Variants in PCDHGA3 observed in about 807,000 individuals in gnomAD.
PCDHGA3 encodes protocadherin gamma subfamily A, 3, also known as protocadherin gamma-A3.
Under a neutral mutation model 58.5 loss-of-function variants are expected in PCDHGA3, and 40 were observed. The observed-to-expected ratio is 0.68, with a 90% CI of 0.53 to 0.89. The LOEUF (loss-of-function observed/expected upper bound fraction) is 0.89. PCDHGA3 is among the 40% of genes least tolerant of loss of function. PCDHGA3 has a pLI of 0.00. For missense variants in PCDHGA3, 1,223 were observed against 1,195.9 expected, an observed-to-expected ratio of 1.02 and a Z score of -0.33; for synonymous variants, 530 against 525.7, an observed-to-expected ratio of 1.01 and a Z score of -0.11.
In PCDHGA3 at chr5:141,432,927, G is replaced by T. The variant is rs774982939; in HGVS notation, c.2425-61880G>T. ...AGGCTGCGGCGCTGGCACAAGTCAC[G>T]CCTGCTGCAGGCTTCAGGAGGCGGC... is the stretch of plus-strand genomic sequence containing the variant. On this transcript the variant is annotated intron_variant, in intron 1 of 3. Coordinates refer to ENST00000253812, the MANE Select transcript of PCDHGA3 (RefSeq NM_018916.4). This position sits in a 1 kb window ranked among gnomAD's most constrained non-coding sequence, Gnocchi z 6.0. 1.9e-6 allele frequency: 3 copies of T among 1,614,162 alleles called. No homozygotes were observed. In the Admixed American group the frequency reaches 5.0e-5, roughly 27 times the overall value.
intron 2 of PCDHGA3, among the ~76,000 whole-genome samples, chr5:141,500,904 C>T (rs2099803610): frequency 6.6e-6 from 1 of 151,662 alleles, no homozygotes; most frequent in Non-Finnish European, 1.5e-5. Context: ...CAGTCTCGCT[C>T]TGTCTCCAGG....
At chr5:141,423,193 T>A in intron 1 of PCDHGA3, 2 of 1,613,564 alleles carry the variant, frequency 1.2e-6, no homozygotes, top group Non-Finnish European at 1.7e-6. Context: ...GCCCCCTCTC[T>A]CGGCCACCGT....
At chr5:141,376,477 T>C (rs550916604) in intron 1 of PCDHGA3, 1 of 1,614,200 alleles carries the variant, frequency 6.2e-7, no homozygotes, top group African/African-American at 1.3e-5. Context: ...AGGATTTACT[T>C]GAAACGAAAG....
chr5:141,408,973 T>C (rs754120948), intron 1 of PCDHGA3: 8 of 1,613,718 alleles, frequency 5.0e-6, no homozygotes, highest in South Asian at 1.1e-5. Context: ...ATCTGCCCCC[T>C]GGGTCCCCTG....
chr5:141,362,663 G>A, intron 1 of PCDHGA3: 1 of 1,339,920 alleles, frequency 7.5e-7, no homozygotes. Flanking sequence ...TTTGGCCAAT[G>A]TTGTGCCTTA....
At position 141,409,826 on chromosome 5, in the gene PCDHGA3, C is replaced by T. The variant is rs565116840; in HGVS notation, c.2424+63369C>T. 14 of 1,611,108 alleles carry T rather than the reference C, an allele frequency of 8.7e-6. No homozygotes were observed. The highest frequency in any genetic ancestry group is 1.3e-5 in the African/African-American group (1 of 75,000). On this transcript the variant is annotated intron_variant, in intron 1 of 3. Coordinates refer to ENST00000253812, the MANE Select transcript of PCDHGA3 (RefSeq NM_018916.4). ...GGCCCGCGACCACGGCTCGCCCACG[C>T]TCAGCGCCAACGTGAGCCTGCGCGT...
chr5:141,365,896 T>C, intron 1 of PCDHGA3: 3 of 1,614,212 alleles, frequency 1.9e-6, no homozygotes, highest in Non-Finnish European at 2.5e-6. Flanking sequence ...CCTTCGACTA[T>C]GAGCAGTTGA....
rs1391302749 is a variant in PCDHGA3 at position 141,344,602 on chromosome 5, A to G, written c.569A>G (p.Lys190Arg). Residue 190 changes from lysine to arginine, a missense_variant, in exon 1 of 4, where the codon AAG (lysine) becomes AGG (arginine). Physicochemically the swap from Lys to Arg is conservative, Grantham distance 26. This residue lies in a region of PCDHGA3 where 791 missense variants were observed against 708.5 expected (regional missense o/e 1.12). Coordinates refer to ENST00000253812, the MANE Select transcript of PCDHGA3 (RefSeq NM_018916.4). ...GTGAATAGCGTCTCTGAGGGGGCCA[A>G]GTATCCAGAGCTGGTGCTGGAGCGG... is the stretch of plus-strand genomic sequence containing the variant. ...LAVNSVSEGA[K>R]YPELVLERAL... 6 of 1,613,900 alleles carry G rather than the reference A, an allele frequency of 3.7e-6. No homozygotes were observed. The highest frequency in any genetic ancestry group is 5.1e-6 in the Non-Finnish European group (6 of 1,179,896).
chr5:141,496,284 G>A (rs1052943936), intron 2 of PCDHGA3, among the ~76,000 whole-genome samples: 6 of 152,210 alleles, frequency 3.9e-5, no homozygotes, highest in Admixed American at 1.3e-4. Context: ...CAGTTGGTCT[G>A]AGCAGAGTGG....
At chr5:141,419,413 C>T (rs568417008) in intron 1 of PCDHGA3, 4 of 1,613,444 alleles carry the variant, frequency 2.5e-6, no homozygotes, top group African/African-American at 1.3e-5. Flanking sequence ...TCGCGCAGCG[C>T]GCCTTCGACC....
At chr5:141,362,964 A>C (rs1762745634) in intron 1 of PCDHGA3, among the ~76,000 whole-genome samples, 1 of 152,250 alleles carries the variant, frequency 6.6e-6, no homozygotes, top group South Asian at 2.1e-4. Flanking sequence ...TTGGGAAACA[A>C]AGAAGAAAGA....
intron 1 of PCDHGA3, among the ~76,000 whole-genome samples, chr5:141,373,763 G>A (rs951115131): frequency 6.6e-6 from 1 of 152,192 alleles, no homozygotes; most frequent in African/African-American, 2.4e-5. Context: ...AATATTATGA[G>A]TGTCATCTCT....
chr5:141,450,991 AT>A (rs1351194705), intron 1 of PCDHGA3, among the ~76,000 whole-genome samples: 2 of 150,700 alleles, frequency 1.3e-5, no homozygotes, highest in Non-Finnish European at 1.5e-5. Context: ...CACCCGGCTA[AT>A]TTTTTTGTAT....
chr5:141,382,360 A>C (rs1310834058), intron 1 of PCDHGA3, among the ~76,000 whole-genome samples: 1 of 152,210 alleles, frequency 6.6e-6, no homozygotes, highest in Non-Finnish European at 1.5e-5. Flanking sequence ...ATTTAAATAA[A>C]ATTTACCTTT....
intron 1 of PCDHGA3, among the ~76,000 whole-genome samples, chr5:141,430,383 G>GA (rs139772145): frequency 0.061 from 8,436 of 138,452 alleles, 243 homozygotes; most frequent in South Asian, 0.089. Context: ...AGCTCATTGG[G>GA]AAAAAAAAAA....
intron 1 of PCDHGA3, chr5:141,412,049 T>C (rs2095532088): frequency 1.3e-5 from 2 of 152,256 alleles, no homozygotes; most frequent in Admixed American, 1.3e-4. Flanking sequence ...AGTGAACTTC[T>C]ATACCCTTTG....
rs1474849292 is a variant in PCDHGA3 at position 141,454,205 on chromosome 5, G to T, written c.2425-40602G>T. Among the ~76,000 whole-genome samples, 3 of 152,154 alleles carry T rather than the reference G, an allele frequency of 2.0e-5. No individual in the cohort carries two copies. The East Asian group carries it at 5.8e-4, about 29-fold the overall frequency. ...GGAGCTTAGTGAAGGTGAATTTATT[G>T]ACATGAATGAGAAAAGTAATTGTGA... On this transcript the variant is annotated intron_variant, in intron 1 of 3. Coordinates refer to ENST00000253812, the MANE Select transcript of PCDHGA3 (RefSeq NM_018916.4).
At chr5:141,421,508 A>C in intron 1 of PCDHGA3, 1 of 1,614,046 alleles carries the variant, frequency 6.2e-7, no homozygotes, top group Non-Finnish European at 8.5e-7. Context: ...ATAGACCGGG[A>C]GGAGCTCTGT....
chr5:141,365,164 C>T lies in PCDHGA3; in HGVS notation c.2424+18707C>T, dbSNP rs548514157. The T allele has an allele frequency of 2.2e-5, 35 of 1,613,882 alleles. No individual in the cohort carries two copies. The East Asian group carries it at 7.1e-4, about 33-fold the overall frequency. On this transcript the variant is annotated intron_variant, in intron 1 of 3. Coordinates refer to ENST00000253812, the MANE Select transcript of PCDHGA3 (RefSeq NM_018916.4). ...ATGAGGGAATAAACGGGAAATTGAC[C>T]TACTCTTTTCGCAATGAAGAAGAAA...
Sources: allele counts gnomAD v4.1 joint callset (sites outside exome capture counted in the v4.1 genomes callset), GRCh38; gene constraint gnomAD v4.1.1; regional missense constraint gnomAD v4.1.1; non-coding constraint Gnocchi (gnomAD v3.1); transcripts MANE v1.5; gene names NCBI Gene and HGNC (gene_info 2026-07-23, HGNC 2026-07-21).